Variants in AMOTL1 observed in about 807,000 individuals in gnomAD.
AMOTL1 encodes angiomotin-like protein 1.
A neutral mutation model predicts 102.9 loss-of-function variants in AMOTL1; 45 were observed. That is an observed-to-expected ratio of 0.44 (90% CI 0.34 to 0.56). The LOEUF is 0.56. AMOTL1 is among the 20% of genes least tolerant of loss of function. AMOTL1 has a pLI of 0.01. For synonymous variants in AMOTL1, 481 were observed against 484.7 expected, an observed-to-expected ratio of 0.99 and a Z score of 0.10; for missense variants, 1,114 against 1,225.6, an observed-to-expected ratio of 0.91 and a Z score of 1.36.
rs144302516 is a variant in AMOTL1, at chr11:94,743,689, C to T, written c.136+2701C>T. 3.8e-3 allele frequency among the ~76,000 whole-genome samples: 438 copies of T among 113,804 alleles called. 6 individuals carry two copies. Among genetic ancestry groups the T allele is most frequent in the African/African-American group, 0.014 (387 of 27,888 alleles). The allele number at this position is 113,804 out of a possible 152,430, so 74.7% of individuals were successfully genotyped here. The stretch of plus-strand genomic sequence containing the variant: ...TTTTTTTTTTTTTGTGACGGTGTCT[C>T]GCTCTGTCGCCCAGATGGGAGTGCA... On this transcript the variant is annotated intron_variant, in intron 3 of 4. Coordinates refer to the AMOTL1 transcript ENST00000299004.
chr11:94,830,281 C>A, intron 5 of AMOTL1, 87 bp downstream of exon 5: 1 of 1,267,432 alleles, frequency 7.9e-7, no homozygotes, highest in African/African-American at 1.5e-5. Flanking sequence ...GAGTGCTTTG[C>A]CACAGGTACT....
At chr11:94,836,779 A>C (rs1952192317) in intron 6 of AMOTL1, among the ~76,000 whole-genome samples, 1 of 147,866 alleles carries the variant, frequency 6.8e-6, no homozygotes, top group South Asian at 2.1e-4. Flanking sequence ...TTTTTTTAGA[A>C]TAGAAGAATA....
intron 10 of AMOTL1, among the ~76,000 whole-genome samples, 180 bp downstream of exon 10, chr11:94,865,040 A>G (rs139200413): frequency 0.013 from 2,018 of 152,232 alleles, 43 homozygotes; most frequent in African/African-American, 0.046. Flanking sequence ...ACGTGGTTCC[A>G]CTCAGCAATG....
At chr11:94,869,167 G>A in intron 11 of AMOTL1, 31 bp from the exon 12 acceptor site, 5 of 1,517,262 alleles carry the variant, frequency 3.3e-6, no homozygotes, top group South Asian at 2.6e-5. Context: ...AGGAAAAAAA[G>A]AATGTTGAAA....
At chr11:94,753,717 G>A (rs1244738018) in intron 3 of AMOTL1, among the ~76,000 whole-genome samples, 1 of 152,180 alleles carries the variant, frequency 6.6e-6, no homozygotes, top group Non-Finnish European at 1.5e-5. Flanking sequence ...TTCAGTTCCA[G>A]AGCAAGTCAC....
rs148371774 is a variant in AMOTL1, at chr11:94,743,060, G to C, written c.136+2072G>C. On this transcript the variant is annotated intron_variant, in intron 3 of 4. Coordinates refer to the AMOTL1 transcript ENST00000299004. ...TCTATAGCAGCGTGATGGGAACCAT[G>C]GGGTTCCCTTCTGGGATCTGGGCTT... 4.0e-3 allele frequency among the ~76,000 whole-genome samples: 615 copies of C among 152,308 alleles called. 13 individuals carry two copies. The highest frequency in any genetic ancestry group is 0.035 in the South Asian group (167 of 4,824).
intron 1 of AMOTL1, among the ~76,000 whole-genome samples, chr11:94,780,193 A>G (rs1951089731): frequency 6.6e-6 from 1 of 152,192 alleles, no homozygotes; most frequent in Non-Finnish European, 1.5e-5. Context: ...TCCCTCCCTC[A>G]GTAACTACCC....
At chr11:94,756,339 C>T (rs1950725330) in intron 3 of AMOTL1, among the ~76,000 whole-genome samples, 2 of 152,182 alleles carry the variant, frequency 1.3e-5, no homozygotes, top group African/African-American at 4.8e-5. Context: ...CCAGGGACCC[C>T]GCCCTTCTCT....
intron 3 of AMOTL1, among the ~76,000 whole-genome samples, chr11:94,761,660 T>A (rs192962104): frequency 2.2e-4 from 33 of 152,364 alleles, no homozygotes; most frequent in African/African-American, 7.5e-4. Context: ...CAATAACTTA[T>A]AGAACATTTA....
chr11:94,773,618 G>C (rs1421839890), intron 1 of AMOTL1, among the ~76,000 whole-genome samples: 1 of 152,180 alleles, frequency 6.6e-6, no homozygotes, highest in East Asian at 1.9e-4. Flanking sequence ...GGGCTTCCCT[G>C]GGCATGCTGC....
intron 8 of AMOTL1, among the ~76,000 whole-genome samples, chr11:94,856,453 G>C (rs950275544): frequency 1.4e-5 from 2 of 138,772 alleles, no homozygotes; most frequent in Non-Finnish European, 2.9e-5. Flanking sequence ...CTGTGGGCTG[G>C]TCTGGGGGGC....
rs1339632726 is a variant in AMOTL1, at chr11:94,873,912, C to G, written c.*3117C>G. 6.6e-6 allele frequency: 1 copy of G among 152,180 alleles called. No homozygotes were observed. The highest frequency in any genetic ancestry group is 2.4e-5 in the African/African-American group (1 of 41,422). The allele number at this position is 152,180 out of a possible 1,614,324, so 9.4% of individuals were successfully genotyped here. A position where few individuals can be genotyped will look rare whatever the true frequency, so the allele number is the denominator to read the frequency against. On this transcript the variant is annotated 3_prime_UTR_variant, in exon 13 of 13. Transcript: ENST00000433060. ...ATAGATGGAAATTATTGTGTTCCAC[C>G]AGAAGCACAGCTCCAAACTATACCT...
At chr11:94,844,630 A>C (rs1275165362) in intron 6 of AMOTL1, among the ~76,000 whole-genome samples, 2 of 152,242 alleles carry the variant, frequency 1.3e-5, no homozygotes, top group Non-Finnish European at 2.9e-5. Flanking sequence ...AGAATCAAGC[A>C]GAACTCATTT....
intron 1 of AMOTL1, among the ~76,000 whole-genome samples, chr11:94,713,034 GT>G (rs542662879): frequency 0.011 from 1,587 of 150,596 alleles, 100 homozygotes; most frequent in Admixed American, 0.095. Flanking sequence ...GTCAAATTTA[GT>G]TTTTTTTTGT....
chr11:94,753,408 T>C (rs1233148003), intron 3 of AMOTL1, among the ~76,000 whole-genome samples: 1 of 151,868 alleles, frequency 6.6e-6, no homozygotes, highest in Non-Finnish European at 1.5e-5. Context: ...TCTTAATTCA[T>C]TTGCTGACAT....
At chr11:94,791,599 G>A (rs1192187192) in intron 1 of AMOTL1, among the ~76,000 whole-genome samples, 1 of 152,194 alleles carries the variant, frequency 6.6e-6, no homozygotes, top group East Asian at 1.9e-4. Flanking sequence ...AGCCAGGGGG[G>A]TCCTTGGCAG....
intron 3 of AMOTL1, among the ~76,000 whole-genome samples, chr11:94,741,287 C>T (rs796343738): frequency 1.3e-4 from 20 of 152,184 alleles, no homozygotes; most frequent in African/African-American, 4.6e-4. Flanking sequence ...AGTGGTGCTG[C>T]TCCGAGGAGC....
At chr11:94,840,654 G>GTATATATA (rs551220386) in intron 6 of AMOTL1, among the ~76,000 whole-genome samples, 137 of 111,262 alleles carry the variant, frequency 1.2e-3, no homozygotes, top group African/African-American at 5.0e-3. Flanking sequence ...CTTAAAAAAC[G>GTATATATA]TATATATATA....
chr11:94,821,957 G>A, intron 4 of AMOTL1, 136 bp downstream of exon 4: 1 of 1,192,058 alleles, frequency 8.4e-7, no homozygotes, highest in Non-Finnish European at 1.2e-6. Context: ...TTAGGGAGAT[G>A]AAAATAAATA....
Sources: gnomAD v4.1 joint callset for allele counts (sites outside exome capture counted in the v4.1 genomes callset) on GRCh38, gnomAD v4.1.1 for gene constraint, MANE v1.5 for transcripts, NCBI Gene and HGNC (gene_info 2026-07-23, HGNC 2026-07-21) for gene names.